DCTN4: variants seen among roughly 807,000 people sequenced by gnomAD.
The protein encoded by DCTN4 is dynactin 4 (p62).
DCTN4 carries 23 observed loss-of-function variants against 62.7 expected under a neutral mutation model. That is an observed-to-expected ratio of 0.37 (90% confidence interval 0.26 to 0.52). DCTN4 has a LOEUF of 0.52. Among genes scored for constraint, DCTN4 ranks in the 20% least tolerant of loss-of-function variants. DCTN4 has a pLI of 0.92. For synonymous variants in DCTN4, 199 were observed against 202.1 expected, an observed-to-expected ratio of 0.98 and a Z score of 0.13; for missense variants, 514 against 580.4, an observed-to-expected ratio of 0.89 and a Z score of 1.18.
chr5:150,715,711 G>T, intron 11 of DCTN4, 49 bp from the exon 12 acceptor site: 1 of 1,456,898 alleles, frequency 6.9e-7, no homozygotes, highest in Non-Finnish European at 9.6e-7. Context: ...CAGTGTGACA[G>T]AATATAGCAA....
chr5:150,718,607 A>C (rs1352973821), intron 10 of DCTN4, among the ~76,000 whole-genome samples: 1 of 152,140 alleles, frequency 6.6e-6, no homozygotes, highest in Non-Finnish European at 1.5e-5. Context: ...AATGGGACAG[A>C]TTCCACTGAA....
chr5:150,758,822 C>CA (rs751180932), intron 1 of DCTN4, 37 bp downstream of exon 1: 1 of 1,606,334 alleles, frequency 6.2e-7, no homozygotes, highest in African/African-American at 1.3e-5. Context: ...CCGCGCCCCC[C>CA]CCACCCCACA....
intron 8 of DCTN4, among the ~76,000 whole-genome samples, chr5:150,729,642 C>G (rs1342945534): frequency 6.9e-6 from 1 of 145,482 alleles, no homozygotes; most frequent in East Asian, 2.0e-4. Flanking sequence ...CAGGGTCTTT[C>G]TGTGTTGCCT....
rs1581556594 is a variant in DCTN4 at position 150,710,868 on chromosome 5, C to T, written c.*281G>A. On this transcript the variant is annotated 3_prime_UTR_variant, in exon 13 of 13. Transcript: ENST00000447998. ...ATACAATGCCATTCCAAGGAACACC[C>T]ATCCCCTTTCCTAGGATGGAATTAT... 12 of 434,784 alleles carry T rather than the reference C, an allele frequency of 2.8e-5. No homozygotes were observed. The East Asian group carries it at 5.3e-4, about 19-fold the overall frequency. 26.9% of individuals were successfully genotyped at this position (434,784 alleles called of 1,614,324 possible).
intron 4 of DCTN4, among the ~76,000 whole-genome samples, chr5:150,738,517 C>A (rs2113088514): frequency 6.6e-6 from 1 of 152,268 alleles, no homozygotes; most frequent in East Asian, 1.9e-4. Flanking sequence ...ACAAAAATCA[C>A]AGGATCATCT....
At chr5:150,734,641 A>C (rs931039700) in intron 4 of DCTN4, among the ~76,000 whole-genome samples, 3 of 152,202 alleles carry the variant, frequency 2.0e-5, no homozygotes, top group Non-Finnish European at 1.5e-5. Context: ...CCTGGGCACA[A>C]TCAAGATGGG....
At chr5:150,721,236 C>G (rs548512605) in intron 9 of DCTN4, among the ~76,000 whole-genome samples, 1 of 152,266 alleles carries the variant, frequency 6.6e-6, no homozygotes, top group African/African-American at 2.4e-5. Flanking sequence ...GCATAATATT[C>G]TACAGTACAA....
At chr5:150,723,199 C>A (rs1323262164) in intron 8 of DCTN4, among the ~76,000 whole-genome samples, 3 of 152,120 alleles carry the variant, frequency 2.0e-5, no homozygotes, top group African/African-American at 7.2e-5. Context: ...ATTATTATAC[C>A]TCTGTGGTAC....
intron 3 of DCTN4, among the ~76,000 whole-genome samples, chr5:150,746,425 C>T (rs1760965153): frequency 6.6e-6 from 1 of 152,104 alleles, no homozygotes; most frequent in Admixed American, 6.5e-5. Flanking sequence ...GGAATCCTCC[C>T]TAACTCATTT....
intron 12 of DCTN4, among the ~76,000 whole-genome samples, chr5:150,714,016 C>T (rs1486519222): frequency 2.0e-5 from 3 of 152,050 alleles, no homozygotes; most frequent in Non-Finnish European, 1.5e-5. Context: ...CCTCAGGAGG[C>T]TGAGGCAGGA....
intron 11 of DCTN4, 99 bp from the exon 12 acceptor site, chr5:150,715,761 G>C (rs1759735497): frequency 1.1e-6 from 1 of 926,510 alleles, no homozygotes; most frequent in African/African-American, 1.6e-5. Context: ...CACACAGCAA[G>C]TTTCAGGAAA....
intron 3 of DCTN4, among the ~76,000 whole-genome samples, chr5:150,746,534 C>A (rs1013275467): frequency 7.9e-5 from 12 of 152,088 alleles, no homozygotes; most frequent in Non-Finnish European, 1.3e-4. Flanking sequence ...ATGCAAAAAT[C>A]CTCAATAAAA....
chr5:150,715,638 C>G lies in DCTN4; in HGVS notation c.1096G>C (p.Val366Leu). 1.2e-6 allele frequency: 2 copies of G among 1,614,136 alleles called. No individual in the cohort carries two copies. Among genetic ancestry groups the G allele is most frequent in the Non-Finnish European group, 8.5e-7 (1 of 1,180,026 alleles). ...AKVVVPPKELVLAGKDAAAEY... is the reference protein window; with the variant it reads ...AKVVVPPKELLLAGKDAAAEY... Reference sequence around the variant, plus strand: ...GCTGCTGCATCCTTGCCAGCTAAAACGAGCTCTTTGGGAGGCACCACCACC... The same window carrying G: ...GCTGCTGCATCCTTGCCAGCTAAAAGGAGCTCTTTGGGAGGCACCACCACC... Residue 366 changes from valine to leucine, a missense_variant, in exon 12 of 13, where the codon GTT becomes CTT. Physicochemically the swap from Val to Leu is conservative, Grantham distance 32. Transcript: ENST00000447998.
chr5:150,754,273 C>T (rs1329497233), intron 2 of DCTN4, among the ~76,000 whole-genome samples: 1 of 152,210 alleles, frequency 6.6e-6, no homozygotes, highest in Admixed American at 6.5e-5. Context: ...ATTTCACCTG[C>T]AGTCCTGTAC....
chr5:150,730,228 T>G (rs749004128), intron 8 of DCTN4, among the ~76,000 whole-genome samples: 22 of 152,354 alleles, frequency 1.4e-4, no homozygotes, highest in African/African-American at 4.6e-4. Flanking sequence ...TTGAAGAAAC[T>G]CTGTCATTTG....
rs1759539081 is a variant in DCTN4, at chr5:150,710,995, A to C, written c.*154T>G. ...CAACAGCAGCTACCCTGTGTTCCCA[A>C]TGCCTTGCCTATGCTCCCACTTTCT... On this transcript the variant is annotated 3_prime_UTR_variant, in exon 13 of 13. Coordinates refer to ENST00000447998, the MANE Select transcript of DCTN4 (RefSeq NM_016221.4). 1 of 731,662 alleles carries C rather than the reference A, an allele frequency of 1.4e-6. No individual in the cohort carries two copies. The highest frequency in any genetic ancestry group is 2.3e-6 in the Non-Finnish European group (1 of 443,440). 45.3% of individuals were successfully genotyped at this position (731,662 alleles called of 1,614,324 possible). A position where few individuals can be genotyped will look rare whatever the true frequency, so the allele number is the denominator to read the frequency against.
rs765352875 is a variant in DCTN4 at position 150,718,303 on chromosome 5, G to C, written c.1044C>G (p.Asp348Glu). Reference sequence around the variant, plus strand: ...TAGCAGTGCTGTTGATATCATCAGGGTCCCCCTCCTCACACTCGAAGAGAG... The same window carrying C: ...TAGCAGTGCTGTTGATATCATCAGGCTCCCCCTCCTCACACTCGAAGAGAG... The part of the protein sequence containing the change: ...HVTLFECEEG[D>E]PDDINSTAKV... Residue 348 changes from aspartate to glutamate, a missense_variant, in exon 11 of 13, where the codon GAC becomes GAG. Transcript: ENST00000447998. 1 of 1,613,874 alleles carries C rather than the reference G, an allele frequency of 6.2e-7. No homozygotes were observed. The highest frequency in any genetic ancestry group is 8.5e-7 in the Non-Finnish European group (1 of 1,179,856).
Position 150,710,983 on chromosome 5 carries a change from CCT to C in DCTN4, c.*164_*165del, listed in dbSNP as rs1461971851. On this transcript the variant is annotated 3_prime_UTR_variant, in exon 13 of 13. Transcript: ENST00000447998. ...TGAGAGCAAGAGCAACAGCAGCTACCCTGTGTTCCCAATGCCTTGCCTATGCT... is the reference window on the plus strand; with the variant it reads ...TGAGAGCAAGAGCAACAGCAGCTACCGTGTTCCCAATGCCTTGCCTATGCT... 10 of 668,228 alleles carry C rather than the reference CCT, an allele frequency of 1.5e-5. No individual in the cohort carries two copies. In the East Asian group the frequency reaches 2.5e-4, roughly 16 times the overall value. 41.4% of individuals were successfully genotyped at this position (668,228 alleles called of 1,614,324 possible).
rs61106544 is a variant in DCTN4 at position 150,729,042 on chromosome 5, C to CTTTTTTTTTTTT, written c.834+1577_834+1588dup. ...ACAAGTGTGTGAACCACCACACTGGCTTTTTTTTTTTTTTTTTTTTTTTTT... is the reference window on the plus strand; with the variant it reads ...ACAAGTGTGTGAACCACCACACTGGCTTTTTTTTTTTTTTTTTTTTTTTTTTTTTTTTTTTTT... On this transcript the variant is annotated intron_variant, in intron 8 of 12. Coordinates refer to ENST00000447998, the MANE Select transcript of DCTN4 (RefSeq NM_016221.4). Among the ~76,000 whole-genome samples the CTTTTTTTTTTTT allele has an allele frequency of 2.7e-4, 14 of 52,134 alleles. 4 individuals are homozygous for CTTTTTTTTTTTT. Among genetic ancestry groups the CTTTTTTTTTTTT allele is most frequent in the African/African-American group, 9.1e-4 (12 of 13,120 alleles). 34.2% of individuals were successfully genotyped at this position (52,134 alleles called of 152,430 possible). A position where few individuals can be genotyped will look rare whatever the true frequency, so the allele number is the denominator to read the frequency against.
Sources: gnomAD v4.1 joint callset for allele counts (sites outside exome capture counted in the v4.1 genomes callset) on GRCh38, gnomAD v4.1.1 for gene constraint, MANE v1.5 for transcripts, NCBI Gene and HGNC (gene_info 2026-07-23, HGNC 2026-07-21) for gene names.